Variants in CTNNA2 observed in about 807,000 individuals in gnomAD.
CTNNA2 encodes the protein catenin alpha 2, also known as catenin alpha-2.
Under a neutral mutation model 101.0 loss-of-function variants are expected in CTNNA2, and 42 were observed. The ratio of observed to expected loss-of-function variants is 0.42; its 90% confidence interval spans 0.32 to 0.54. CTNNA2 has a LOEUF of 0.54. Ranked by LOEUF, CTNNA2 falls within the 20% of genes least tolerant of loss-of-function variation. CTNNA2 has a pLI of 0.14. For synonymous variants in CTNNA2, 450 were observed against 456.4 expected, an observed-to-expected ratio of 0.99 and a Z score of 0.18; for missense variants, 871 against 1,223.1, an observed-to-expected ratio of 0.71 and a Z score of 4.29.
intron 3 of CTNNA2, among the ~76,000 whole-genome samples, chr2:79,820,438 C>T (rs1451266709): frequency 6.6e-6 from 1 of 152,192 alleles, no homozygotes; most frequent in African/African-American, 2.4e-5. Flanking sequence ...AGTACTAAAA[C>T]AGATGGAAGC....
intron 15 of CTNNA2, among the ~76,000 whole-genome samples, chr2:80,592,463 T>C (rs1056245976): frequency 6.6e-6 from 1 of 152,226 alleles, no homozygotes; most frequent in Non-Finnish European, 1.5e-5. Flanking sequence ...CCTAATTTTG[T>C]ACATGTTTAA....
chr2:80,083,374 G>T (rs1699260298), intron 7 of CTNNA2, among the ~76,000 whole-genome samples: 1 of 152,132 alleles, frequency 6.6e-6, no homozygotes, highest in Non-Finnish European at 1.5e-5. Flanking sequence ...TCAGTAGGCT[G>T]CTTGGTTGCC....
intron 9 of CTNNA2, among the ~76,000 whole-genome samples, chr2:80,484,684 T>A (rs1686409426): frequency 6.6e-6 from 1 of 152,152 alleles, no homozygotes; most frequent in African/African-American, 2.4e-5. Flanking sequence ...ATACTTATAA[T>A]TCAAAGGCAG....
intron 7 of CTNNA2, among the ~76,000 whole-genome samples, chr2:80,121,960 G>A (rs1370544041): frequency 3.3e-5 from 5 of 152,150 alleles, no homozygotes; most frequent in Non-Finnish European, 7.4e-5. Context: ...CTGTTGGGTG[G>A]CGAGGCTGTG....
intron 9 of CTNNA2, among the ~76,000 whole-genome samples, chr2:80,467,236 A>G (rs762500437): frequency 6.6e-6 from 1 of 152,190 alleles, no homozygotes; most frequent in Non-Finnish European, 1.5e-5. Flanking sequence ...TCCATCCTTC[A>G]TGCACAAAGA....
intron 7 of CTNNA2, among the ~76,000 whole-genome samples, chr2:80,176,552 G>A (rs112743001): frequency 0.017 from 2,643 of 152,226 alleles, 72 homozygotes; most frequent in African/African-American, 0.06. Context: ...TCAGCAGGTC[G>A]TGGTTTTTTT....
intron 7 of CTNNA2, among the ~76,000 whole-genome samples, chr2:80,035,709 A>T (rs1695603763): frequency 6.6e-6 from 1 of 152,206 alleles, no homozygotes; most frequent in African/African-American, 2.4e-5. Flanking sequence ...AGTAAAATTC[A>T]ATTTGTATGA....
At chr2:80,157,540 T>A (rs181694002) in intron 7 of CTNNA2, among the ~76,000 whole-genome samples, 3 of 152,134 alleles carry the variant, frequency 2.0e-5, no homozygotes, top group Admixed American at 6.5e-5. Flanking sequence ...TTCGTGACCA[T>A]TTTTTTGTTT....
At chr2:79,202,345 T>A (rs1452230183) in intron 2 of CTNNA2, among the ~76,000 whole-genome samples, 2 of 146,220 alleles carry the variant, frequency 1.4e-5, no homozygotes, top group African/African-American at 5.1e-5. Context: ...ATTTTTTTTA[T>A]TTTTTTTATT....
chr2:79,714,018 G>C (rs186711495), intron 2 of CTNNA2, among the ~76,000 whole-genome samples: 3 of 152,164 alleles, frequency 2.0e-5, no homozygotes, highest in Admixed American at 2.0e-4. Context: ...TGGGCTTTAC[G>C]AAGTAGAGCA....
chr2:79,613,443 A>AAAT (rs912406799), intron 1 of CTNNA2, among the ~76,000 whole-genome samples: 16 of 151,790 alleles, frequency 1.1e-4, no homozygotes, highest in East Asian at 7.7e-4. Context: ...TCCTAAAGTA[A>AAAT]AATAATAATA....
At chr2:79,599,860 G>A (rs1677437230) in intron 1 of CTNNA2, among the ~76,000 whole-genome samples, 1 of 152,086 alleles carries the variant, frequency 6.6e-6, no homozygotes, top group South Asian at 2.1e-4. Flanking sequence ...GAACCATACT[G>A]ACCAGAACTA....
chr2:79,550,159 C>T (rs780168244), intron 1 of CTNNA2, among the ~76,000 whole-genome samples: 9 of 152,170 alleles, frequency 5.9e-5, no homozygotes, highest in Non-Finnish European at 1.2e-4. Flanking sequence ...TCTAACTATT[C>T]TCAAAATGTC....
intron 1 of CTNNA2, among the ~76,000 whole-genome samples, chr2:79,649,878 G>A (rs2104465668): frequency 6.6e-6 from 1 of 152,192 alleles, no homozygotes. Flanking sequence ...TTAGCTGTAA[G>A]AGAGCCAGTA....
At chr2:80,282,609 C>A (rs1248995303) in intron 7 of CTNNA2, among the ~76,000 whole-genome samples, 1 of 152,072 alleles carries the variant, frequency 6.6e-6, no homozygotes, top group Non-Finnish European at 1.5e-5. Flanking sequence ...TATTTTAAAG[C>A]AAATCTCAGA....
intron 2 of CTNNA2, among the ~76,000 whole-genome samples, chr2:79,255,542 C>T (rs1333728824): frequency 6.6e-6 from 1 of 151,976 alleles, no homozygotes; most frequent in African/African-American, 2.4e-5. Context: ...TGGGTAATGG[C>T]ACAAAGAAAG....
At chr2:79,259,512 C>A (rs551775479) in intron 2 of CTNNA2, among the ~76,000 whole-genome samples, 1 of 152,266 alleles carries the variant, frequency 6.6e-6, no homozygotes, top group African/African-American at 2.4e-5. Flanking sequence ...CCTTGAATAA[C>A]CACGAAACCC....
chr2:80,486,152 T>C (rs1686565255), intron 9 of CTNNA2, among the ~76,000 whole-genome samples: 2 of 152,198 alleles, frequency 1.3e-5, no homozygotes, highest in Non-Finnish European at 2.9e-5. Context: ...AAACAGAATG[T>C]TCATACTGGA....
intron 7 of CTNNA2, among the ~76,000 whole-genome samples, chr2:80,386,395 A>G (rs922677023): frequency 2.0e-5 from 3 of 152,180 alleles, no homozygotes; most frequent in African/African-American, 7.2e-5. Flanking sequence ...ATATTTAGAA[A>G]GGTCCACATG....
Sources: allele counts gnomAD v4.1 joint callset (sites outside exome capture counted in the v4.1 genomes callset), GRCh38; gene constraint gnomAD v4.1.1; transcripts MANE v1.5; gene names NCBI Gene and HGNC (gene_info 2026-07-23, HGNC 2026-07-21).